MAML2: variants seen among roughly 807,000 people sequenced by gnomAD.
The protein encoded by MAML2 is mastermind like transcriptional coactivator 2.
In MAML2, 22 loss-of-function variants were observed where a neutral mutation model predicts 96.1. The observed-to-expected ratio is 0.23, with a 90% CI of 0.16 to 0.33. The LOEUF (loss-of-function observed/expected upper bound fraction) is 0.33, where lower values mean the gene tolerates loss of function less well. Ranked by LOEUF, MAML2 falls within the 10% of genes least tolerant of loss-of-function variation. The probability of loss-of-function intolerance (pLI) is 1.00; values close to 1 mark genes in which losing one functional copy is unlikely to be tolerated. For missense variants in MAML2, 1,367 were observed against 1,392.4 expected (o/e 0.98, Z 0.29); for synonymous variants, 561 against 521.3 (o/e 1.08, Z -1.04).
chr11:95,976,927 A>G lies in MAML2; in HGVS notation c.*2021T>C, dbSNP rs1213515048. On this transcript the variant is annotated 3_prime_UTR_variant, in exon 5 of 5. Transcript: ENST00000524717. ...AGTAGACTACATGCAACAAGGACCA[A>G]TACAATGTGCACAGCAGAAGAATCA... 2 of 194,116 alleles carry G rather than the reference A, an allele frequency of 1.0e-5. No individual in the cohort carries two copies. The highest frequency in any genetic ancestry group is 4.6e-5 in the African/African-American group (2 of 43,120). 12.0% of individuals were successfully genotyped at this position (194,116 alleles called of 1,614,324 possible).
intron 1 of MAML2, among the ~76,000 whole-genome samples, chr11:96,303,843 G>A (rs560632150): frequency 3.3e-5 from 5 of 152,306 alleles, no homozygotes; most frequent in African/African-American, 1.2e-4. Context: ...AAGGCTGCCA[G>A]AGCTGACACA....
chr11:96,131,016 CAG>C (rs1860540473), intron 1 of MAML2, among the ~76,000 whole-genome samples: 1 of 152,006 alleles, frequency 6.6e-6, no homozygotes, highest in African/African-American at 2.4e-5. Flanking sequence ...AATTTCATAA[CAG>C]AGCTATACAA....
intron 1 of MAML2, among the ~76,000 whole-genome samples, chr11:96,151,348 T>G (rs1591041579): frequency 6.6e-6 from 1 of 152,370 alleles, no homozygotes; most frequent in East Asian, 1.9e-4. Flanking sequence ...TTCCATTATT[T>G]CTTCTTAGTC....
intron 1 of MAML2, among the ~76,000 whole-genome samples, chr11:96,219,279 T>G (rs1862097080): frequency 6.6e-6 from 1 of 152,222 alleles, no homozygotes; most frequent in Non-Finnish European, 1.5e-5. Context: ...ACCATTCCTG[T>G]ACATGTCTCA....
intron 2 of MAML2, among the ~76,000 whole-genome samples, chr11:96,073,030 T>TA (rs1199601629): frequency 6.6e-6 from 1 of 152,190 alleles, no homozygotes; most frequent in South Asian, 2.1e-4. Flanking sequence ...TGTGAGGACT[T>TA]AAAAAAACTA....
Position 95,977,608 on chromosome 11 carries a change from A to T in MAML2, c.*1340T>A, listed in dbSNP as rs1459726332. ...TTTTGCATTCATTCCAAATCAGCACACGTCTTCCCCATTTTACAGCTGATC... is the reference window on the plus strand; with the variant it reads ...TTTTGCATTCATTCCAAATCAGCACTCGTCTTCCCCATTTTACAGCTGATC... On this transcript the variant is annotated 3_prime_UTR_variant, in exon 5 of 5. Transcript: ENST00000524717. 1 of 214,182 alleles carries T rather than the reference A, an allele frequency of 4.7e-6. No individual in the cohort carries two copies. Among genetic ancestry groups the T allele is most frequent in the Non-Finnish European group, 9.4e-6 (1 of 105,918 alleles). 13.3% of individuals were successfully genotyped at this position (214,182 alleles called of 1,614,324 possible).
chr11:96,126,068 G>T (rs191958798), intron 1 of MAML2, among the ~76,000 whole-genome samples: 1 of 152,262 alleles, frequency 6.6e-6, no homozygotes, highest in East Asian at 1.9e-4. Context: ...TTCTGATACG[G>T]TCGTAATACT....
At position 96,090,930 on chromosome 11, in the gene MAML2, T is replaced by G. The variant is rs1859693736; in HGVS notation, c.2139+962A>C. Among the ~76,000 whole-genome samples the G allele has an allele frequency of 2.0e-5, 3 of 152,262 alleles. No homozygotes were observed. The South Asian group carries it at 6.2e-4, about 31-fold the overall frequency. On this transcript the variant is annotated intron_variant, in intron 2 of 4. Transcript: ENST00000524717. ...TAATTTTTTGACATATAATGTGCTA[T>G]CTTTGTGCTTAGATAGATAACGCAG...
At chr11:96,299,060 A>AAATATATATATATATATATATATAT (rs55878534) in intron 1 of MAML2, among the ~76,000 whole-genome samples, 1 of 56,342 alleles carries the variant, frequency 1.8e-5, no homozygotes, top group African/African-American at 9.0e-5. Flanking sequence ...AAAAAAAAAA[A>AAATATATATATATATATATATATAT]ATATATATAT....
At chr11:96,192,329 T>C (rs1330416981) in intron 1 of MAML2, among the ~76,000 whole-genome samples, 2 of 152,210 alleles carry the variant, frequency 1.3e-5, no homozygotes, top group East Asian at 1.9e-4. Flanking sequence ...GTTCTTAGAA[T>C]TCCCAGCTGT....
intron 1 of MAML2, among the ~76,000 whole-genome samples, chr11:96,116,988 A>G (rs563645142): frequency 3.9e-5 from 6 of 152,254 alleles, no homozygotes; most frequent in Non-Finnish European, 8.8e-5. Flanking sequence ...AATTGAATTG[A>G]CAGCCATTAA....
At chr11:96,016,720 A>G (rs1277407557) in intron 2 of MAML2, among the ~76,000 whole-genome samples, 2 of 152,188 alleles carry the variant, frequency 1.3e-5, no homozygotes, top group African/African-American at 4.8e-5. Context: ...GTTTGTGTGG[A>G]ATTATGGACT....
At chr11:96,147,452 C>T (rs907439172) in intron 1 of MAML2, among the ~76,000 whole-genome samples, 2 of 152,144 alleles carry the variant, frequency 1.3e-5, no homozygotes, top group Non-Finnish European at 2.9e-5. Context: ...TTAAACCCTC[C>T]CTTAATCAGA....
intron 1 of MAML2, among the ~76,000 whole-genome samples, chr11:96,247,338 T>G (rs1258077778): frequency 6.6e-6 from 1 of 152,104 alleles, no homozygotes; most frequent in African/African-American, 2.4e-5. Flanking sequence ...GAGATAGCAG[T>G]TCAGTGGACG....
intron 1 of MAML2, among the ~76,000 whole-genome samples, chr11:96,166,273 C>T (rs1861193599): frequency 6.6e-6 from 1 of 151,082 alleles, no homozygotes; most frequent in Admixed American, 6.6e-5. Flanking sequence ...CAAAAACATG[C>T]TAGACTAAAA....
chr11:96,125,124 A>G (rs1025695913), intron 1 of MAML2, among the ~76,000 whole-genome samples: 9 of 152,160 alleles, frequency 5.9e-5, no homozygotes, highest in Non-Finnish European at 1.3e-4. Flanking sequence ...GGCTTTTCCT[A>G]AGGGAGTTAA....
intron 3 of MAML2, among the ~76,000 whole-genome samples, chr11:95,988,104 G>T (rs965263640): frequency 6.1e-5 from 9 of 147,006 alleles, no homozygotes; most frequent in African/African-American, 1.8e-4. Context: ...CGTTTATACT[G>T]AAGACAGGAT....
At chr11:96,033,219 C>T (rs998315618) in intron 2 of MAML2, among the ~76,000 whole-genome samples, 7 of 152,186 alleles carry the variant, frequency 4.6e-5, no homozygotes, top group African/African-American at 1.4e-4. Context: ...TGGCATTGCT[C>T]AACCTTATCT....
chr11:96,051,917 T>C (rs1416517368), intron 2 of MAML2, among the ~76,000 whole-genome samples: 1 of 152,230 alleles, frequency 6.6e-6, no homozygotes, highest in Non-Finnish European at 1.5e-5. Context: ...TGGCTCACAA[T>C]TAGGCAGAAG....
Sources: gnomAD v4.1 joint callset for allele counts (sites outside exome capture counted in the v4.1 genomes callset) on GRCh38, gnomAD v4.1.1 for gene constraint, MANE v1.5 for transcripts, NCBI Gene and HGNC (gene_info 2026-07-23, HGNC 2026-07-21) for gene names.